The following CUX2 variants were observed in gnomAD, a reference collection of about 807,000 sequenced individuals.
The protein encoded by CUX2 is homeobox protein cut-like 2.
A neutral mutation model predicts 144.8 loss-of-function variants in CUX2; 40 were observed. That is an observed-to-expected ratio of 0.28 (90% CI 0.21 to 0.36). The LOEUF is 0.36. Ranked by LOEUF, CUX2 falls within the 10% of genes least tolerant of loss-of-function variation. The pLI is 1.00. For synonymous variants in CUX2, 827 were observed against 875.6 expected, an observed-to-expected ratio of 0.94 and a Z score of 0.98; for missense variants, 1,615 against 1,994.0, an observed-to-expected ratio of 0.81 and a Z score of 3.62.
intron 1 of CUX2, among the ~76,000 whole-genome samples, chr12:111,098,251 T>C (rs1332812950): frequency 6.6e-6 from 1 of 152,032 alleles, no homozygotes; most frequent in Non-Finnish European, 1.5e-5. Flanking sequence ...ACTATAAAAA[T>C]TAACCGGGTG....
At chr12:111,245,421 G>T (rs970722142) in intron 3 of CUX2, among the ~76,000 whole-genome samples, 46 of 151,308 alleles carry the variant, frequency 3.0e-4, no homozygotes, top group African/African-American at 1.1e-3. Flanking sequence ...TTTTTCCATT[G>T]TTTTGATGCT....
In CUX2 at chr12:111,295,250, G is replaced by A; in HGVS notation, c.561-83G>A. The A allele has an allele frequency of 7.9e-7, 1 of 1,268,356 alleles. No homozygotes were observed. The highest frequency in any genetic ancestry group is 2.5e-5 in the East Asian group (1 of 40,328). 78.6% of individuals were successfully genotyped at this position (1,268,356 alleles called of 1,614,324 possible). A position where few individuals can be genotyped will look rare whatever the true frequency, so the allele number is the denominator to read the frequency against. On this transcript the variant is annotated intron_variant, in intron 6 of 21. Coordinates refer to ENST00000261726, the MANE Select transcript of CUX2 (RefSeq NM_015267.4). The surrounding 1 kb of genome is among the most constrained non-coding windows in gnomAD (Gnocchi z 5.0). ...GGTTACAGGGAGTGGGCAAGGGGTA[G>A]GAAGCAAGATGGGGCTCGACTCGGG...
At position 111,214,151 on chromosome 12, in the gene CUX2, T is replaced by C. The variant is rs369292360; in HGVS notation, c.64-49T>C. 5.0e-6 allele frequency: 6 copies of C among 1,197,490 alleles called. No homozygotes were observed. The African/African-American group carries it at 6.5e-5, about 13-fold the overall frequency. 74.2% of individuals were successfully genotyped at this position (1,197,490 alleles called of 1,614,324 possible). A position where few individuals can be genotyped will look rare whatever the true frequency, so the allele number is the denominator to read the frequency against. On this transcript the variant is annotated intron_variant, in intron 1 of 21. Transcript: ENST00000261726. ...TTAAAAAGGAAAAAAAGAAGAAAAA[T>C]CTTTTTCTTTTCTCTCTCTCTCTTT...
chr12:111,083,576 A>G (rs1213458207), intron 1 of CUX2, among the ~76,000 whole-genome samples: 1 of 152,134 alleles, frequency 6.6e-6, no homozygotes, highest in Non-Finnish European at 1.5e-5. Flanking sequence ...TGAGCCAGAT[A>G]TAAGTCACTT....
chr12:111,322,557 G>A lies in CUX2; in HGVS notation c.2903G>A (p.Gly968Asp), dbSNP rs759396445. 8 of 1,609,516 alleles carry A rather than the reference G, an allele frequency of 5.0e-6. No individual in the cohort carries two copies. The highest frequency in any genetic ancestry group is 3.3e-5 in the Admixed American group (2 of 59,788). ...TCTGACCAGCTCGGCCAGGCAGTGGGCCAGCAGCCTGGTGCCTCCCAGGGT... is the reference window on the plus strand; with the variant it reads ...TCTGACCAGCTCGGCCAGGCAGTGGACCAGCAGCCTGGTGCCTCCCAGGGT... ...WLSDQLGQAV[G>D]QQPGASQASP... The change falls in exon 18 of 22, where the codon GGC becomes GAC. Residue 968 changes from glycine to aspartate, a missense_variant. Gly to Asp is a moderately conservative substitution (Grantham distance 94). Coordinates refer to ENST00000261726, the MANE Select transcript of CUX2 (RefSeq NM_015267.4). This position sits in a 1 kb window ranked among gnomAD's most constrained non-coding sequence, Gnocchi z 4.2.
chr12:111,301,985 C>T (rs1692718310), intron 9 of CUX2, among the ~76,000 whole-genome samples: 1 of 152,214 alleles, frequency 6.6e-6, no homozygotes, highest in South Asian at 2.1e-4. Context: ...ATCAGATATG[C>T]TCAGGGTTCC....
At chr12:111,192,350 G>A (rs1203654595) in intron 1 of CUX2, among the ~76,000 whole-genome samples, 2 of 151,150 alleles carry the variant, frequency 1.3e-5, no homozygotes, top group South Asian at 2.1e-4. Context: ...GGCTGGTCTC[G>A]AACTCCTGAC....
chr12:111,156,811 C>G (rs1877403338), intron 1 of CUX2, among the ~76,000 whole-genome samples: 1 of 151,946 alleles, frequency 6.6e-6, no homozygotes, highest in Non-Finnish European at 1.5e-5. Context: ...GACCCCATCT[C>G]TACTAAAAAT....
At position 111,334,466 on chromosome 12, in the gene CUX2, A is replaced by G; in HGVS notation, c.2952A>G (p.Ser984=). 1 of 1,606,538 alleles carries G rather than the reference A, an allele frequency of 6.2e-7. No individual in the cohort carries two copies. Among genetic ancestry groups the G allele is most frequent in the Non-Finnish European group, 8.5e-7 (1 of 1,176,222 alleles). Residue 984 remains serine, a synonymous_variant, in exon 19 of 22, where the codon TCA becomes TCG. Transcript: ENST00000261726. ...SQASPTEPRS[S]PSPPPSPTEP... is the part of the protein sequence containing the mutation. ...CCAGTCCCACAGAACCAAGGTCCTC[A>G]CCATCCCCACCCCCCAGCCCCACAG...
intron 1 of CUX2, among the ~76,000 whole-genome samples, chr12:111,189,386 C>T (rs1389664898): frequency 1.3e-5 from 2 of 151,754 alleles, no homozygotes; most frequent in Non-Finnish European, 2.9e-5. Context: ...CTCCTGCCTC[C>T]GAACTACACA....
intron 2 of CUX2, among the ~76,000 whole-genome samples, chr12:111,216,715 A>ACC (rs1473703286): frequency 6.6e-6 from 1 of 152,050 alleles, no homozygotes; most frequent in East Asian, 1.9e-4. Flanking sequence ...TCAGCCTCGC[A>ACC]CCCATGGCCC....
intron 1 of CUX2, among the ~76,000 whole-genome samples, chr12:111,152,872 T>C (rs1877138368): frequency 6.6e-6 from 1 of 152,176 alleles, no homozygotes; most frequent in African/African-American, 2.4e-5. Context: ...GGCCACTTGC[T>C]GCATCTCCAG....
intron 1 of CUX2, among the ~76,000 whole-genome samples, chr12:111,103,256 G>A (rs1029691956): frequency 5.3e-5 from 8 of 152,168 alleles, no homozygotes; most frequent in South Asian, 2.1e-4. Flanking sequence ...GATTGGGTTC[G>A]GGAACGACCT....
At chr12:111,110,410 GA>G (rs1323759845) in intron 1 of CUX2, among the ~76,000 whole-genome samples, 7 of 152,128 alleles carry the variant, frequency 4.6e-5, no homozygotes, top group African/African-American at 1.4e-4. Flanking sequence ...AGCAAATCCA[GA>G]CCAGACAAAT....
chr12:111,254,422 G>A lies in CUX2; in HGVS notation c.223-9339G>A, dbSNP rs540217044. Among the ~76,000 whole-genome samples, 12 of 152,290 alleles carry A rather than the reference G, an allele frequency of 7.9e-5. No homozygotes were observed. In the East Asian group the frequency reaches 2.1e-3, roughly 27 times the overall value. On this transcript the variant is annotated intron_variant, in intron 3 of 21. Coordinates refer to ENST00000261726, the MANE Select transcript of CUX2 (RefSeq NM_015267.4). ...CATCATTGCAGGTTGAGGCATAGAGGGCAGAATCTGGAAGCTGGACCTGCA... is the reference window on the plus strand; with the variant it reads ...CATCATTGCAGGTTGAGGCATAGAGAGCAGAATCTGGAAGCTGGACCTGCA...
Position 111,143,811 on chromosome 12 carries a change from T to G in CUX2, c.64-70389T>G, listed in dbSNP as rs1464663843. ...GGGCCATCTGGGGTGTGTGGGGGGG[T>G]TTTTTTCTTGGAAGCTCTGGGGACT... On this transcript the variant is annotated intron_variant, in intron 1 of 21. Coordinates refer to ENST00000261726, the MANE Select transcript of CUX2 (RefSeq NM_015267.4). Among the ~76,000 whole-genome samples, 14 of 151,630 alleles carry G rather than the reference T, an allele frequency of 9.2e-5. No individual in the cohort carries two copies. In the East Asian group the frequency reaches 9.7e-4, roughly 10 times the overall value.
In CUX2 at chr12:111,143,958, C is replaced by T. The variant is rs189831936; in HGVS notation, c.64-70242C>T. 2.4e-3 allele frequency among the ~76,000 whole-genome samples: 373 copies of T among 152,314 alleles called. 2 individuals are homozygous for T. Among genetic ancestry groups the T allele is most frequent in the South Asian group, 0.01 (49 of 4,814 alleles). On this transcript the variant is annotated intron_variant, in intron 1 of 21. Transcript: ENST00000261726. ...CAGAGTCTGTTTATCCAAACTGACT[C>T]GGCATTCAAGCCTCTCCTCTGAAGT...
chr12:111,263,449 C>CA lies in CUX2; in HGVS notation c.223-305dup, dbSNP rs1012014881. Among the ~76,000 whole-genome samples the CA allele has an allele frequency of 6.6e-6, 1 of 152,032 alleles. No homozygotes were observed. The highest frequency in any genetic ancestry group is 1.5e-5 in the Non-Finnish European group (1 of 68,002). ...GGTCAAACCGTCTCTACCAAAAGTA[C>CA]AAAAAAATTAGCTGGGCATGGTGGC... is the stretch of plus-strand genomic sequence containing the variant. On this transcript the variant is annotated intron_variant, in intron 3 of 21. Transcript: ENST00000261726. The surrounding 1 kb of genome is among the most constrained non-coding windows in gnomAD (Gnocchi z 4.0).
intron 1 of CUX2, among the ~76,000 whole-genome samples, chr12:111,054,166 AAAAC>A (rs1208780936): frequency 6.6e-6 from 1 of 152,062 alleles, no homozygotes; most frequent in Non-Finnish European, 1.5e-5. Context: ...AACAAAAACA[AAAAC>A]AAAAACAAAA....
Sources: gnomAD v4.1 joint callset for allele counts (sites outside exome capture counted in the v4.1 genomes callset) on GRCh38, gnomAD v4.1.1 for gene constraint, Gnocchi (gnomAD v3.1) non-coding constraint, MANE v1.5 for transcripts, NCBI Gene and HGNC (gene_info 2026-07-23, HGNC 2026-07-21) for gene names.